The following MOCOS variants were observed in gnomAD, a reference collection of about 807,000 sequenced individuals.
MOCOS encodes molybdenum cofactor sulfurase.
Under a neutral mutation model 83.6 loss-of-function variants are expected in MOCOS, and 86 were observed. That is an observed-to-expected ratio of 1.03 (90% CI 0.86 to 1.23). The LOEUF (loss-of-function observed/expected upper bound fraction) is 1.23. MOCOS is among the 50% of genes most tolerant of loss of function. The pLI, the probability that MOCOS is intolerant of heterozygous loss-of-function variation, is 0.00. For synonymous variants in MOCOS, 445 were observed against 434.7 expected (o/e 1.02, Z -0.29); for missense variants, 1,120 against 1,126.9 (o/e 0.99, Z 0.09).
chr18:36,207,943 T>C (rs1222036022), intron 6 of MOCOS, among the ~76,000 whole-genome samples: 1 of 152,232 alleles, frequency 6.6e-6, no homozygotes, highest in African/African-American at 2.4e-5. Flanking sequence ...CATTTAAGCC[T>C]GTAATCTGTC....
At chr18:36,215,420 A>T in intron 7 of MOCOS, 96 bp from the exon 8 acceptor site, 1 of 1,179,182 alleles carries the variant, frequency 8.5e-7, no homozygotes, top group Non-Finnish European at 1.2e-6. Context: ...TTCCTGGGTT[A>T]ATTTTAAAAT....
intron 1 of MOCOS, among the ~76,000 whole-genome samples, chr18:36,188,983 T>C (rs1422753933): frequency 6.6e-6 from 1 of 151,606 alleles, no homozygotes; most frequent in Admixed American, 6.6e-5. Context: ...AATAGAGGGG[T>C]ACTATGAATG....
intron 9 of MOCOS, among the ~76,000 whole-genome samples, chr18:36,248,604 A>C (rs1264324792): frequency 1.3e-5 from 2 of 152,026 alleles, no homozygotes; most frequent in African/African-American, 4.8e-5. Flanking sequence ...ATCCATTTTG[A>C]GTTGATTTGT....
intron 3 of MOCOS, among the ~76,000 whole-genome samples, chr18:36,199,037 A>G (rs987712247): frequency 6.6e-6 from 1 of 152,144 alleles, no homozygotes; most frequent in Non-Finnish European, 1.5e-5. Context: ...AAGTGACAGG[A>G]AGTGACCCAG....
Position 36,200,229 on chromosome 18 carries a change from T to G in MOCOS, c.846T>G (p.Ala282=). ...CTCTGCTGGTCCATAATCGTGCGGC[T>G]CCTCTACTGAGGAAGACCTACTTTG... ...LGALLVHNRA[A]PLLRKTYFGG... The change falls in exon 4 of 15, where the codon GCT becomes GCG. Residue 282 remains alanine, a synonymous_variant. Transcript: ENST00000261326. 6.2e-7 allele frequency: 1 copy of G among 1,614,132 alleles called. No homozygotes were observed. The highest frequency in any genetic ancestry group is 8.5e-7 in the Non-Finnish European group (1 of 1,179,992).
chr18:36,210,871 A>AAAAAAAAAAAAAAAAAAAAG (rs1352361694), intron 6 of MOCOS, among the ~76,000 whole-genome samples: 2 of 145,462 alleles, frequency 1.4e-5, no homozygotes, highest in Admixed American at 6.9e-5. Context: ...AAAAAAAAAA[A>AAAAAAAAAAAAAAAAAAAAG]AAAAAAAAAG....
At chr18:36,208,620 A>G (rs1343224973) in intron 6 of MOCOS, among the ~76,000 whole-genome samples, 2 of 152,160 alleles carry the variant, frequency 1.3e-5, no homozygotes, top group Admixed American at 1.3e-4. Context: ...TAAAAATGCT[A>G]CTGATTTTCA....
chr18:36,215,713 A>G lies in MOCOS; in HGVS notation c.1533A>G (p.Pro511=). 1 of 1,614,188 alleles carries G rather than the reference A, an allele frequency of 6.2e-7. No homozygotes were observed. Among genetic ancestry groups the G allele is most frequent in the East Asian group, 2.2e-5 (1 of 44,878 alleles). ...AHADTGETGA[P]SADSQADVIP... ...CTGACACCGGGGAGACTGGAGCCCC[A>G]TCAGCAGACAGCCAGGCTGATGTTA... Residue 511 remains proline (P), a synonymous_variant, in exon 8 of 15, where the codon CCA becomes CCG. Coordinates refer to ENST00000261326, the MANE Select transcript of MOCOS (RefSeq NM_017947.4).
intron 9 of MOCOS, among the ~76,000 whole-genome samples, chr18:36,224,914 T>G (rs1032967864): frequency 1.3e-5 from 2 of 152,220 alleles, no homozygotes; most frequent in African/African-American, 4.8e-5. Flanking sequence ...GAGAGGTTTT[T>G]GATTACTGAT....
intron 8 of MOCOS, 144 bp from the exon 9 acceptor site, chr18:36,219,911 A>T: frequency 9.6e-7 from 1 of 1,041,060 alleles, no homozygotes; most frequent in Non-Finnish European, 1.5e-6. Context: ...TCTCTGTTTT[A>T]GTTTCTTCTC....
chr18:36,196,464 C>T (rs1178739665), intron 2 of MOCOS, among the ~76,000 whole-genome samples: 1 of 152,062 alleles, frequency 6.6e-6, no homozygotes, highest in Non-Finnish European at 1.5e-5. Flanking sequence ...GCTGTGTTTG[C>T]AGGCAGTTTA....
chr18:36,240,896 C>G (rs2091579658), intron 9 of MOCOS, among the ~76,000 whole-genome samples: 1 of 152,194 alleles, frequency 6.6e-6, no homozygotes. Flanking sequence ...ACCCGATTCT[C>G]CAGGTGCCGT....
At chr18:36,213,753 A>G (rs1188140498) in intron 7 of MOCOS, among the ~76,000 whole-genome samples, 2 of 151,708 alleles carry the variant, frequency 1.3e-5, no homozygotes, top group East Asian at 3.9e-4. Context: ...ACATGGTGAA[A>G]CCCTGTCTCT....
chr18:36,264,067 CAGGAGGCTGAGGT>C (rs1452141883), intron 13 of MOCOS, among the ~76,000 whole-genome samples: 3 of 151,932 alleles, frequency 2.0e-5, no homozygotes, highest in African/African-American at 7.3e-5. Flanking sequence ...CCCAGTTACT[CAGGAGGCTGAGGT>C]AGGAGAATCG....
chr18:36,255,327 T>C (rs575218649), intron 11 of MOCOS, among the ~76,000 whole-genome samples: 1 of 152,344 alleles, frequency 6.6e-6, no homozygotes, highest in African/African-American at 2.4e-5. Flanking sequence ...GACTCTAAGA[T>C]TGAAATGCCT....
intron 11 of MOCOS, among the ~76,000 whole-genome samples, chr18:36,252,830 CTA>C (rs2144142313): frequency 6.6e-6 from 1 of 152,252 alleles, no homozygotes; most frequent in Admixed American, 6.5e-5. Flanking sequence ...AAAGTGTATG[CTA>C]TAGAGAGGAG....
At chr18:36,226,815 C>T (rs954997771) in intron 9 of MOCOS, among the ~76,000 whole-genome samples, 1 of 150,768 alleles carries the variant, frequency 6.6e-6, no homozygotes, top group African/African-American at 2.4e-5. Context: ...ACATACATAA[C>T]TCTACACTTT....
intron 13 of MOCOS, among the ~76,000 whole-genome samples, chr18:36,262,175 G>A (rs959904057): frequency 1.3e-5 from 2 of 149,590 alleles, no homozygotes; most frequent in African/African-American, 4.9e-5. Flanking sequence ...CCATAGAAAC[G>A]CTAATACAAG....
intron 1 of MOCOS, among the ~76,000 whole-genome samples, chr18:36,189,172 T>G (rs1237767008): frequency 6.6e-6 from 1 of 152,118 alleles, no homozygotes; most frequent in African/African-American, 2.4e-5. Context: ...TAGAGCTATG[T>G]TCTGGTCCCC....
Sources: allele counts gnomAD v4.1 joint callset (sites outside exome capture counted in the v4.1 genomes callset), GRCh38; gene constraint gnomAD v4.1.1; transcripts MANE v1.5; gene names NCBI Gene and HGNC (gene_info 2026-07-23, HGNC 2026-07-21).